Variants in GRID2 observed in about 807,000 individuals in gnomAD.
GRID2 encodes the protein glutamate receptor ionotropic, delta-2.
In GRID2, 33 loss-of-function variants were observed where a neutral mutation model predicts 114.8. The ratio of observed to expected loss-of-function variants is 0.29; its 90% CI spans 0.22 to 0.38. The LOEUF (loss-of-function observed/expected upper bound fraction) is 0.38. Ranked by LOEUF, GRID2 falls within the 10% of genes least tolerant of loss-of-function variation. The pLI is 1.00. For synonymous variants in GRID2, 505 were observed against 449.9 expected (o/e 1.12, Z -1.55); for missense variants, 1,184 against 1,257.7 (o/e 0.94, Z 0.89).
chr4:93,650,971 C>T (rs1364083257), intron 14 of GRID2, among the ~76,000 whole-genome samples: 1 of 152,120 alleles, frequency 6.6e-6, no homozygotes, highest in Non-Finnish European at 1.5e-5. Flanking sequence ...GCGAAATGAT[C>T]AGACTCGTCT....
intron 12 of GRID2, among the ~76,000 whole-genome samples, chr4:93,512,479 A>AT (rs1578161297): frequency 1.3e-5 from 2 of 152,062 alleles, no homozygotes; most frequent in East Asian, 3.9e-4. Flanking sequence ...TGTTCACTTC[A>AT]TTTTGCTTCA....
chr4:93,315,447 G>A, intron 8 of GRID2, among the ~76,000 whole-genome samples: 1 of 151,984 alleles, frequency 6.6e-6, no homozygotes, highest in East Asian at 1.9e-4. Flanking sequence ...CTGTTTCTAG[G>A]AGTGTCCCCC....
At chr4:93,634,197 G>A (rs907267364) in intron 14 of GRID2, among the ~76,000 whole-genome samples, 6 of 152,098 alleles carry the variant, frequency 3.9e-5, no homozygotes, top group African/African-American at 1.2e-4. Flanking sequence ...AACAAAATCA[G>A]TGAAGGTTAG....
chr4:92,835,173 A>G (rs994501632), intron 2 of GRID2, among the ~76,000 whole-genome samples: 12 of 136,788 alleles, frequency 8.8e-5, no homozygotes, highest in South Asian at 4.8e-4. Flanking sequence ...AAAAAATACA[A>G]CAAGCAGCTG....
rs1404577342 is a variant in GRID2, at chr4:92,304,047, C to T, written c.-610C>T. The T allele has an allele frequency of 6.5e-6, 1 of 153,666 alleles. No homozygotes were observed. Among genetic ancestry groups the T allele is most frequent in the East Asian group, 1.9e-4 (1 of 5,198 alleles). 9.5% of individuals were successfully genotyped at this position (153,666 alleles called of 1,614,324 possible). ...GGAATTTTCTCTGCATTACTATCTG[C>T]ATTACCTTGAAGTTCACTTTTTCTA... On this transcript the variant is annotated 5_prime_UTR_variant, in exon 1 of 16. Transcript: ENST00000282020.
intron 9 of GRID2, among the ~76,000 whole-genome samples, chr4:93,398,123 ATG>A (rs151125359): frequency 7.6e-6 from 1 of 131,538 alleles, no homozygotes; most frequent in African/African-American, 3.2e-5. Flanking sequence ...ACATACATGT[ATG>A]TGTGTGTGTA....
At chr4:92,455,008 T>G (rs971798457) in intron 1 of GRID2, among the ~76,000 whole-genome samples, 3 of 152,214 alleles carry the variant, frequency 2.0e-5, no homozygotes, top group African/African-American at 7.2e-5. Context: ...GATTCTACTG[T>G]ATGTCTAGCT....
intron 1 of GRID2, among the ~76,000 whole-genome samples, chr4:92,536,020 G>C (rs1725605819): frequency 6.6e-6 from 1 of 152,172 alleles, no homozygotes; most frequent in African/African-American, 2.4e-5. Flanking sequence ...TAAAGGCGTT[G>C]CAGACCCAAA....
chr4:92,845,184 G>A (rs1220210104), intron 2 of GRID2, among the ~76,000 whole-genome samples: 1 of 152,078 alleles, frequency 6.6e-6, no homozygotes, highest in Non-Finnish European at 1.5e-5. Flanking sequence ...AAAACCACTG[G>A]AATAGAGGCA....
intron 8 of GRID2, among the ~76,000 whole-genome samples, chr4:93,379,177 C>T (rs1177446245): frequency 2.6e-5 from 4 of 152,004 alleles, no homozygotes; most frequent in African/African-American, 9.7e-5. Context: ...ATATGACCAA[C>T]TTTCAGCTAA....
At chr4:92,880,949 C>A (rs749688011) in intron 2 of GRID2, among the ~76,000 whole-genome samples, 2 of 152,118 alleles carry the variant, frequency 1.3e-5, no homozygotes, top group African/African-American at 2.4e-5. Flanking sequence ...TCGCCCCAGG[C>A]TGGAGTGCAG....
chr4:93,007,198 T>C (rs397832248), intron 2 of GRID2, among the ~76,000 whole-genome samples: 2 of 151,694 alleles, frequency 1.3e-5, no homozygotes, highest in African/African-American at 4.8e-5. Context: ...ATGAAGAAAA[T>C]TCAAACAACA....
At chr4:92,417,984 C>A (rs1031761076) in intron 1 of GRID2, among the ~76,000 whole-genome samples, 1 of 152,128 alleles carries the variant, frequency 6.6e-6, no homozygotes, top group Non-Finnish European at 1.5e-5. Flanking sequence ...GACTCCCCAG[C>A]CATGTGGAAC....
At chr4:92,348,373 A>C (rs1439876443) in intron 1 of GRID2, among the ~76,000 whole-genome samples, 1 of 152,196 alleles carries the variant, frequency 6.6e-6, no homozygotes, top group Non-Finnish European at 1.5e-5. Context: ...AGATTTTCAA[A>C]TTATTTCCTT....
At chr4:92,925,851 T>G (rs770045894) in intron 2 of GRID2, among the ~76,000 whole-genome samples, 1 of 152,034 alleles carries the variant, frequency 6.6e-6, no homozygotes, top group Non-Finnish European at 1.5e-5. Flanking sequence ...ATGACATTGC[T>G]TTTATTTCAT....
At position 93,513,693 on chromosome 4, in the gene GRID2, G is replaced by A. The variant is rs188852461; in HGVS notation, c.1998-1523G>A. ...AGAGCAAAAAGGAATTATCATGGTA[G>A]TTTCCATGGAGTAAATAATATACAT... On this transcript the variant is annotated intron_variant, in intron 12 of 15. Coordinates refer to ENST00000282020, the MANE Select transcript of GRID2 (RefSeq NM_001510.4). Among the ~76,000 whole-genome samples the A allele has an allele frequency of 4.3e-4, 66 of 152,186 alleles. 1 individual carries two copies. Among genetic ancestry groups the A allele is most frequent in the Admixed American group, 2.6e-3 (39 of 15,268 alleles).
chr4:92,746,821 G>A (rs1239899685), intron 2 of GRID2, among the ~76,000 whole-genome samples: 1 of 151,774 alleles, frequency 6.6e-6, no homozygotes, highest in Non-Finnish European at 1.5e-5. Context: ...GAACACTAAG[G>A]GCCTGAAATT....
intron 2 of GRID2, among the ~76,000 whole-genome samples, chr4:92,904,078 T>C (rs959619501): frequency 7.2e-5 from 11 of 151,878 alleles, no homozygotes. Flanking sequence ...TCACCTGGAA[T>C]TGTCACTAAC....
chr4:92,442,156 T>C (rs550836397), intron 1 of GRID2, among the ~76,000 whole-genome samples: 167 of 134,494 alleles, frequency 1.2e-3, no homozygotes, highest in African/African-American at 2.3e-3. Context: ...TACCTTCCAC[T>C]GTGAGAGTTA....
Sources: gnomAD v4.1 joint callset for allele counts (sites outside exome capture counted in the v4.1 genomes callset) on GRCh38, gnomAD v4.1.1 for gene constraint, MANE v1.5 for transcripts, NCBI Gene and HGNC (gene_info 2026-07-23, HGNC 2026-07-21) for gene names.